The following SGPP2 variants were observed in gnomAD, a reference collection of about 807,000 sequenced individuals.
SGPP2 encodes sphingosine-1-phosphate phosphatase 2.
In SGPP2, 30 loss-of-function variants were observed where a neutral mutation model predicts 33.9. The ratio of observed to expected loss-of-function variants is 0.89; its 90% confidence interval spans 0.66 to 1.20. The LOEUF (loss-of-function observed/expected upper bound fraction) is 1.20. Among genes scored for constraint, SGPP2 ranks in the 50% most tolerant of loss-of-function variants. The probability of loss-of-function intolerance (pLI) is 0.00; values close to 1 mark genes in which losing one functional copy is unlikely to be tolerated. For synonymous variants in SGPP2, 233 were observed against 225.0 expected (o/e 1.04, Z -0.32); for missense variants, 458 against 532.1 (o/e 0.86, Z 1.37).
chr2:222,518,425 A>G (rs1020713798), intron 2 of SGPP2, among the ~76,000 whole-genome samples: 13 of 152,174 alleles, frequency 8.5e-5, no homozygotes, highest in Non-Finnish European at 1.5e-4. Flanking sequence ...TTTTACCCTT[A>G]TCCTCTCTGT....
chr2:222,553,328 C>T (rs566861899), intron 4 of SGPP2, among the ~76,000 whole-genome samples: 14 of 152,230 alleles, frequency 9.2e-5, no homozygotes, highest in African/African-American at 3.4e-4. Flanking sequence ...AAAACTTTGA[C>T]CCTAAAATTG....
intron 2 of SGPP2, among the ~76,000 whole-genome samples, chr2:222,507,112 G>C (rs1698456485): frequency 6.6e-6 from 1 of 152,094 alleles, no homozygotes. Context: ...TAAAGAACTA[G>C]TCATTAATAA....
chr2:222,555,445 G>GTTTTT (rs57228014), intron 4 of SGPP2, among the ~76,000 whole-genome samples: 3 of 85,874 alleles, frequency 3.5e-5, no homozygotes, highest in Non-Finnish European at 4.5e-5. Flanking sequence ...TCTTTTATCC[G>GTTTTT]TTTTTTTTTT....
chr2:222,486,763 C>G (rs767359400), intron 2 of SGPP2, among the ~76,000 whole-genome samples: 4 of 152,126 alleles, frequency 2.6e-5, no homozygotes, highest in African/African-American at 4.8e-5. Flanking sequence ...ACCAGTAACT[C>G]TCTGATTCCA....
At chr2:222,555,564 C>G (rs1471244450) in intron 4 of SGPP2, among the ~76,000 whole-genome samples, 1 of 149,650 alleles carries the variant, frequency 6.7e-6, no homozygotes, top group Admixed American at 6.7e-5. Flanking sequence ...ATGCAGGCCT[C>G]AATTTTGAGA....
chr2:222,538,040 A>T (rs1198815000), intron 4 of SGPP2, among the ~76,000 whole-genome samples: 1 of 152,220 alleles, frequency 6.6e-6, no homozygotes, highest in South Asian at 2.1e-4. Flanking sequence ...TGGTTCCCCT[A>T]TGAATTATTC....
rs141715834 is a variant in SGPP2 at position 222,432,067 on chromosome 2, T to C, written c.219+7246T>C. On this transcript the variant is annotated intron_variant, in intron 1 of 4. Coordinates refer to ENST00000321276, the MANE Select transcript of SGPP2 (RefSeq NM_152386.4). ...GTGGCTTACTGCAGAATTTGGACTTTATCCTATAGACAAGAAGATAGCAGT... is the reference window on the plus strand; with the variant it reads ...GTGGCTTACTGCAGAATTTGGACTTCATCCTATAGACAAGAAGATAGCAGT... 3.8e-3 allele frequency among the ~76,000 whole-genome samples: 578 copies of C among 152,336 alleles called. 2 individuals are homozygous for C. The highest frequency in any genetic ancestry group is 0.013 in the African/African-American group (535 of 41,582).
chr2:222,501,157 G>C (rs1698360770), intron 2 of SGPP2, among the ~76,000 whole-genome samples: 1 of 152,156 alleles, frequency 6.6e-6, no homozygotes, highest in South Asian at 2.1e-4. Context: ...GTTAGGGCTT[G>C]AGCAGGAGTC....
At chr2:222,530,716 A>G (rs1698825295) in intron 4 of SGPP2, among the ~76,000 whole-genome samples, 1 of 152,184 alleles carries the variant, frequency 6.6e-6, no homozygotes, top group Non-Finnish European at 1.5e-5. Context: ...TTTTCTTATA[A>G]TTCATGTATT....
rs1194057559 is a variant in SGPP2, at chr2:222,477,491, GTA to G, written c.378+2771_378+2772del. 1.3e-5 allele frequency among the ~76,000 whole-genome samples: 2 copies of G among 151,796 alleles called. No individual in the cohort carries two copies. The highest frequency in any genetic ancestry group is 2.1e-4 in the South Asian group (1 of 4,822). On this transcript the variant is annotated intron_variant, in intron 2 of 4. Coordinates refer to ENST00000321276, the MANE Select transcript of SGPP2 (RefSeq NM_152386.4). This position sits in a 1 kb window ranked among gnomAD's most constrained non-coding sequence, Gnocchi z 6.0. ...TGTATGCATGTGTGTATATAGGTGT[GTA>G]TATATGTTTATGTGTATATATATGT...
intron 2 of SGPP2, among the ~76,000 whole-genome samples, chr2:222,484,325 T>C (rs1456970174): frequency 6.6e-6 from 1 of 152,174 alleles, no homozygotes; most frequent in Admixed American, 6.5e-5. Context: ...TGGAGTAGAA[T>C]TGTAGCTGTC....
At chr2:222,536,876 AAG>A (rs1166021628) in intron 4 of SGPP2, among the ~76,000 whole-genome samples, 1 of 152,218 alleles carries the variant, frequency 6.6e-6, no homozygotes, top group East Asian at 1.9e-4. Flanking sequence ...AATAAAAAGA[AAG>A]AGAAATGAAA....
intron 1 of SGPP2, among the ~76,000 whole-genome samples, chr2:222,458,078 T>C (rs1218170560): frequency 6.6e-6 from 1 of 152,042 alleles, no homozygotes; most frequent in Non-Finnish European, 1.5e-5. Flanking sequence ...TGTGATGGGG[T>C]CTTGCTGTGT....
chr2:222,458,611 G>A (rs766077942), intron 1 of SGPP2, among the ~76,000 whole-genome samples: 3 of 152,090 alleles, frequency 2.0e-5, no homozygotes, highest in Admixed American at 6.6e-5. Context: ...CGAGGCTTCC[G>A]AGTGCTTTTA....
chr2:222,445,015 A>T (rs1373951167), intron 1 of SGPP2, among the ~76,000 whole-genome samples: 1 of 152,222 alleles, frequency 6.6e-6, no homozygotes, highest in Admixed American at 6.5e-5. Flanking sequence ...GAGACAGTTA[A>T]CTGTCCAGGG....
chr2:222,500,665 C>T (rs1051350050), intron 2 of SGPP2, among the ~76,000 whole-genome samples: 1 of 152,170 alleles, frequency 6.6e-6, no homozygotes, highest in Non-Finnish European at 1.5e-5. Context: ...GATACACATC[C>T]AGGGCACCCT....
intron 2 of SGPP2, among the ~76,000 whole-genome samples, chr2:222,481,702 T>C (rs1240633631): frequency 6.6e-6 from 1 of 152,166 alleles, no homozygotes; most frequent in Non-Finnish European, 1.5e-5. Context: ...GGGCACTTAA[T>C]GTTTCTGGTG....
Position 222,479,799 on chromosome 2 carries a change from G to A in SGPP2, c.378+5073G>A, listed in dbSNP as rs558279565. On this transcript the variant is annotated intron_variant, in intron 2 of 4. Transcript: ENST00000321276. ...TTATATCCTACTGCTCAAGGTCATC[G>A]CTAAGGTCTGATTTTTCACACACAA... Among the ~76,000 whole-genome samples, 189 of 148,084 alleles carry A rather than the reference G, an allele frequency of 1.3e-3. 2 individuals are homozygous for A. The highest frequency in any genetic ancestry group is 5.1e-5 in the African/African-American group (2 of 39,076).
chr2:222,502,864 A>G (rs551062994), intron 2 of SGPP2, among the ~76,000 whole-genome samples: 1 of 152,206 alleles, frequency 6.6e-6, no homozygotes, highest in African/African-American at 2.4e-5. Context: ...CTGAGAGAAC[A>G]TTTACACCGT....
Sources: gnomAD v4.1 joint callset for allele counts (sites outside exome capture counted in the v4.1 genomes callset) on GRCh38, gnomAD v4.1.1 for gene constraint, Gnocchi (gnomAD v3.1) non-coding constraint, MANE v1.5 for transcripts, NCBI Gene and HGNC (gene_info 2026-07-23, HGNC 2026-07-21) for gene names.